The following PTPRM variants were observed in gnomAD, a reference collection of about 807,000 sequenced individuals.
PTPRM encodes the protein receptor-type tyrosine-protein phosphatase mu.
A neutral mutation model predicts 186.7 loss-of-function variants in PTPRM; 47 were observed. The observed-to-expected ratio is 0.25, with a 90% CI of 0.20 to 0.32. The LOEUF is 0.32. Among genes scored for constraint, PTPRM ranks in the 10% least tolerant of loss-of-function variants. The pLI is 1.00. For synonymous variants in PTPRM, 668 were observed against 674.9 expected (o/e 0.99, Z 0.16); for missense variants, 1,494 against 1,865.0 (o/e 0.80, Z 3.66).
At chr18:7,900,837 A>G (rs530866501) in intron 3 of PTPRM, among the ~76,000 whole-genome samples, 3 of 152,366 alleles carry the variant, frequency 2.0e-5, no homozygotes, top group African/African-American at 7.2e-5. Context: ...AAGTATACAA[A>G]TAAATAGTTT....
intron 2 of PTPRM, among the ~76,000 whole-genome samples, chr18:7,811,237 A>G (rs908290384): frequency 2.6e-5 from 4 of 152,238 alleles, no homozygotes; most frequent in African/African-American, 9.6e-5. Context: ...ACACCCTTTT[A>G]CTGAGCACAG....
At chr18:8,232,587 G>A (rs894631923) in intron 14 of PTPRM, among the ~76,000 whole-genome samples, 8 of 152,098 alleles carry the variant, frequency 5.3e-5, no homozygotes, top group South Asian at 4.1e-4. Flanking sequence ...GCAGTGGTAC[G>A]ATCTTGGCTC....
intron 11 of PTPRM, among the ~76,000 whole-genome samples, chr18:8,090,159 G>T (rs1335441209): frequency 6.6e-6 from 1 of 152,162 alleles, no homozygotes; most frequent in Non-Finnish European, 1.5e-5. Context: ...TAATCCAATG[G>T]ACCCAAGGCA....
At chr18:8,025,001 C>T (rs902262578) in intron 7 of PTPRM, among the ~76,000 whole-genome samples, 3 of 152,140 alleles carry the variant, frequency 2.0e-5, no homozygotes, top group Non-Finnish European at 2.9e-5. Flanking sequence ...AGTGACCGCA[C>T]CTGGCCCAAA....
intron 24 of PTPRM, among the ~76,000 whole-genome samples, chr18:8,375,660 G>T (rs957175658): frequency 2.0e-5 from 3 of 152,064 alleles, no homozygotes; most frequent in African/African-American, 7.2e-5. Context: ...ATTTCTTCAG[G>T]CCCCTCTTCT....
chr18:8,084,823 C>A lies in PTPRM; in HGVS notation c.1552-848C>A, dbSNP rs538119888. ...TTGATGAACTACTCATAGTGAAATT[C>A]TTTAAAATATCATTTGAAAGGGTAG... On this transcript the variant is annotated intron_variant, in intron 9 of 32. Transcript: ENST00000580170. Among the ~76,000 whole-genome samples, 34 of 152,234 alleles carry A rather than the reference C, an allele frequency of 2.2e-4. No individual in the cohort carries two copies. The South Asian group carries it at 6.8e-3, about 31-fold the overall frequency.
At chr18:8,020,221 G>A (rs962008520) in intron 7 of PTPRM, among the ~76,000 whole-genome samples, 15 of 151,774 alleles carry the variant, frequency 9.9e-5, no homozygotes, top group African/African-American at 3.6e-4. Context: ...TCTTTTTTTC[G>A]TGCGTGTGGC....
intron 6 of PTPRM, among the ~76,000 whole-genome samples, chr18:7,950,638 A>T (rs1386241895): frequency 1.3e-5 from 2 of 152,250 alleles, no homozygotes; most frequent in East Asian, 3.9e-4. Flanking sequence ...TGCAAAGTGT[A>T]TATTATATAT....
At chr18:7,579,378 G>A (rs935284546) in intron 1 of PTPRM, among the ~76,000 whole-genome samples, 2 of 152,192 alleles carry the variant, frequency 1.3e-5, no homozygotes, top group Admixed American at 1.3e-4. Flanking sequence ...GTGACTCAGA[G>A]ACCCTGCCTT....
intron 7 of PTPRM, among the ~76,000 whole-genome samples, chr18:8,017,564 C>A: frequency 2.1e-5 from 2 of 96,592 alleles, no homozygotes; most frequent in Non-Finnish European, 1.8e-5. Context: ...ACCTGGGCAA[C>A]AGAGTAAGAC....
intron 29 of PTPRM, among the ~76,000 whole-genome samples, chr18:8,380,765 C>T (rs1013168579): frequency 2.6e-5 from 4 of 152,162 alleles, no homozygotes; most frequent in Non-Finnish European, 5.9e-5. Flanking sequence ...ACCTGAACAT[C>T]GCAGAGCCAA....
intron 11 of PTPRM, among the ~76,000 whole-genome samples, chr18:8,109,127 TG>T: frequency 6.6e-6 from 1 of 152,338 alleles, no homozygotes; most frequent in South Asian, 2.1e-4. Context: ...AGTGAAGTGA[TG>T]TTACTTGTAC....
intron 14 of PTPRM, among the ~76,000 whole-genome samples, chr18:8,183,964 T>C (rs1411340613): frequency 6.6e-6 from 1 of 152,170 alleles, no homozygotes; most frequent in Non-Finnish European, 1.5e-5. Context: ...AAGGATGACT[T>C]AGACTTCTGT....
intron 1 of PTPRM, among the ~76,000 whole-genome samples, chr18:7,699,501 C>T (rs2039914188): frequency 6.6e-6 from 1 of 152,034 alleles, no homozygotes; most frequent in South Asian, 2.1e-4. Flanking sequence ...GTCTGCCTCC[C>T]AGGTTCAAGT....
At chr18:7,943,597 G>T (rs1340456420) in intron 5 of PTPRM, among the ~76,000 whole-genome samples, 1 of 152,098 alleles carries the variant, frequency 6.6e-6, no homozygotes, top group African/African-American at 2.4e-5. Flanking sequence ...CAGGTCAGAA[G>T]CCCTAAAAGA....
At chr18:7,809,501 G>GTCATGTGT (rs2044399190) in intron 2 of PTPRM, among the ~76,000 whole-genome samples, 1 of 152,046 alleles carries the variant, frequency 6.6e-6, no homozygotes, top group African/African-American at 2.4e-5. Context: ...CAGGTGCACT[G>GTCATGTGT]TCATGTGTTG....
At chr18:7,733,474 T>C (rs1235345340) in intron 1 of PTPRM, among the ~76,000 whole-genome samples, 1 of 152,110 alleles carries the variant, frequency 6.6e-6, no homozygotes, top group African/African-American at 2.4e-5. Context: ...TTTTCTTTAT[T>C]CAGTCTATCA....
intron 1 of PTPRM, among the ~76,000 whole-genome samples, chr18:7,718,465 A>G (rs2040385335): frequency 6.6e-6 from 1 of 152,232 alleles, no homozygotes; most frequent in Non-Finnish European, 1.5e-5. Context: ...CATTCTGGAA[A>G]ATAACAACAG....
intron 1 of PTPRM, among the ~76,000 whole-genome samples, chr18:7,717,402 T>C (rs187150814): frequency 7.2e-5 from 11 of 152,076 alleles, no homozygotes; most frequent in Non-Finnish European, 1.3e-4. Context: ...GAGGGAAAGA[T>C]TACCTACCTG....
Sources: allele counts gnomAD v4.1 joint callset (sites outside exome capture counted in the v4.1 genomes callset), GRCh38; gene constraint gnomAD v4.1.1; transcripts MANE v1.5; gene names NCBI Gene and HGNC (gene_info 2026-07-23, HGNC 2026-07-21).